B3GALNT2: variants seen among roughly 807,000 people sequenced by gnomAD.
B3GALNT2 encodes UDP-GalNAc:beta-1,3-N-acetylgalactosaminyltransferase 2.
Under a neutral mutation model 61.1 loss-of-function variants are expected in B3GALNT2, and 53 were observed. The ratio of observed to expected loss-of-function variants is 0.87; its 90% confidence interval spans 0.70 to 1.09. The LOEUF (loss-of-function observed/expected upper bound fraction) is 1.09, where lower values mean the gene tolerates loss of function less well. Ranked by LOEUF, B3GALNT2 falls within the 50% of genes least tolerant of loss-of-function variation. B3GALNT2 has a pLI of 0.00. For synonymous variants in B3GALNT2, 223 were observed against 237.4 expected (o/e 0.94, Z 0.56); for missense variants, 544 against 623.0 (o/e 0.87, Z 1.35).
Position 235,448,055 on chromosome 1 carries a change from A to G in B3GALNT2, c.*2151T>C, listed in dbSNP as rs1682545815. 6.6e-6 allele frequency among the ~76,000 whole-genome samples: 1 copy of G among 152,068 alleles called. No homozygotes were observed. Among genetic ancestry groups the G allele is most frequent in the Non-Finnish European group, 1.5e-5 (1 of 67,996 alleles). On this transcript the variant is annotated 3_prime_UTR_variant, in exon 12 of 12. Transcript: ENST00000366600. ...GAAACCCCGTCTCTACTAAAAATAC[A>G]AAAGTTAGCTGGGTGTGGTGATGGG...
At position 235,473,559 on chromosome 1, in the gene B3GALNT2, T is replaced by C. The variant is rs186527970; in HGVS notation, c.652-2599A>G. On this transcript the variant is annotated intron_variant, in intron 5 of 11. Coordinates refer to ENST00000366600, the MANE Select transcript of B3GALNT2 (RefSeq NM_152490.5). ...GACAATGTTACCATTAGAATGCCCA[T>C]GGGACATTCAAGTGGAGAAGTTCAG... Among the ~76,000 whole-genome samples the C allele has an allele frequency of 1.1e-4, 17 of 152,304 alleles. No homozygotes were observed. The South Asian group carries it at 3.3e-3, about 30-fold the overall frequency.
chr1:235,453,095 A>G lies in B3GALNT2; in HGVS notation c.1363T>C (p.Tyr455His), dbSNP rs1683003314. ...IWMAAIGPKR[Y>H]QDSLWLCEKT... ...GGCCATCCCCAAAGACTTACCTGGT[A>G]TCTTTTAGGTCCTATGGCAGCCATC... Residue 455 changes from tyrosine (Y) to histidine (H), a missense_variant, in exon 11 of 12, where the codon TAC (tyrosine) becomes CAC (histidine). Transcript: ENST00000366600. 1.2e-6 allele frequency: 2 copies of G among 1,610,930 alleles called. No individual in the cohort carries two copies. Among genetic ancestry groups the G allele is most frequent in the Non-Finnish European group, 1.7e-6 (2 of 1,177,044 alleles).
intron 7 of B3GALNT2, 96 bp downstream of exon 7, chr1:235,465,540 T>C: frequency 6.6e-7 from 1 of 1,523,940 alleles, no homozygotes; most frequent in Non-Finnish European, 8.8e-7. Context: ...ATAAAGTTTT[T>C]TAAAAGACAA....
chr1:235,462,308 T>C (rs761621225), intron 7 of B3GALNT2, among the ~76,000 whole-genome samples: 6 of 152,190 alleles, frequency 3.9e-5, no homozygotes, highest in Non-Finnish European at 8.8e-5. Context: ...TAAATTAATA[T>C]GTCAGGAAAA....
rs1685003094 is a variant in B3GALNT2, at chr1:235,490,310, A to G, written c.261-1042T>C. Among the ~76,000 whole-genome samples the G allele has an allele frequency of 1.3e-5, 2 of 152,072 alleles. 1 individual carries two copies. The highest frequency in any genetic ancestry group is 4.2e-4 in the South Asian group (2 of 4,818). ...CAACAGTGTAATCTTGGCTCTTTGC[A>G]GTCTCCACCTTTCAGGTTCAAGTGA... is the stretch of plus-strand genomic sequence containing the variant. On this transcript the variant is annotated intron_variant, in intron 2 of 11. Transcript: ENST00000366600.
chr1:235,496,585 C>T (rs967150217), intron 1 of B3GALNT2, among the ~76,000 whole-genome samples: 22 of 148,460 alleles, frequency 1.5e-4, no homozygotes, highest in African/African-American at 5.5e-4. Context: ...CACTCTGTGG[C>T]CCAGTCTGGA....
At chr1:235,459,427 A>C (rs892225069) in intron 7 of B3GALNT2, among the ~76,000 whole-genome samples, 1 of 152,070 alleles carries the variant, frequency 6.6e-6, no homozygotes, top group African/African-American at 2.4e-5. Context: ...GTTTGAGATC[A>C]CTCTAGGTTA....
chr1:235,503,063 A>C (rs569635403), intron 1 of B3GALNT2, among the ~76,000 whole-genome samples: 318 of 152,342 alleles, frequency 2.1e-3, no homozygotes, highest in African/African-American at 7.3e-3. Flanking sequence ...AATAACCTCA[A>C]CATAATTTCA....
chr1:235,489,417 G>C (rs1306768142), intron 2 of B3GALNT2, 149 bp from the exon 3 acceptor site: 1 of 1,312,286 alleles, frequency 7.6e-7, no homozygotes, highest in Non-Finnish European at 1.0e-6. Flanking sequence ...AGACAAAATG[G>C]GGGAACAAGT....
In B3GALNT2 at chr1:235,448,707, A is replaced by C. The variant is rs1470356820; in HGVS notation, c.*1499T>G. On this transcript the variant is annotated 3_prime_UTR_variant, in exon 12 of 12. Coordinates refer to ENST00000366600, the MANE Select transcript of B3GALNT2 (RefSeq NM_152490.5). Reference sequence around the variant, plus strand: ...GAAATCGAGCTGGAAAATGACCTAAAGTCATTACAGTTTTATTCTGTGGAA... The same window carrying C: ...GAAATCGAGCTGGAAAATGACCTAACGTCATTACAGTTTTATTCTGTGGAA... 6.2e-7 allele frequency: 1 copy of C among 1,614,118 alleles called. No individual in the cohort carries two copies. Among genetic ancestry groups the C allele is most frequent in the Admixed American group, 1.7e-5 (1 of 60,020 alleles).
rs35242859 is a variant in B3GALNT2 at position 235,449,079 on chromosome 1, CAGTT to C, written c.*1123_*1126del. The C allele has an allele frequency of 2.2e-5, 7 of 324,852 alleles. No individual in the cohort carries two copies. The highest frequency in any genetic ancestry group is 1.5e-4 in the African/African-American group (7 of 46,162). 20.1% of individuals were successfully genotyped at this position (324,852 alleles called of 1,614,324 possible). On this transcript the variant is annotated 3_prime_UTR_variant, in exon 12 of 12. Coordinates refer to ENST00000366600, the MANE Select transcript of B3GALNT2 (RefSeq NM_152490.5). ...TAGCTAGCCTAATAAAATCTGAACACAGTTAATATCTGTCATAAGACTAGTTTTA... is the reference window on the plus strand; with the variant it reads ...TAGCTAGCCTAATAAAATCTGAACACAATATCTGTCATAAGACTAGTTTTA...
At chr1:235,440,743 A>G in the B3GALNT2 span, 1 of 152,128 alleles carries the variant, frequency 6.6e-6, no homozygotes, top group African/African-American at 2.4e-5. Context: ...TGAATAGGAA[A>G]GTTCGTATGA....
chr1:235,443,193 T>TAG (rs386370047), downstream of B3GALNT2, among the ~76,000 whole-genome samples: 2 of 150,086 alleles, frequency 1.3e-5, no homozygotes, highest in East Asian at 4.2e-4. Context: ...CACATATATA[T>TAG]ATACACACAC....
At chr1:235,502,512 T>G (rs1417126944) in intron 1 of B3GALNT2, among the ~76,000 whole-genome samples, 1 of 152,224 alleles carries the variant, frequency 6.6e-6, no homozygotes, top group Non-Finnish European at 1.5e-5. Flanking sequence ...AGTATTGATC[T>G]TCTTACCTAC....
chr1:235,443,065 C>A (rs1682003641), downstream of B3GALNT2: 1 of 762,364 alleles, frequency 1.3e-6, no homozygotes, highest in Non-Finnish European at 2.2e-6. Flanking sequence ...TACAATCAAT[C>A]ATGCTAATAT....
downstream of B3GALNT2, among the ~76,000 whole-genome samples, chr1:235,443,768 A>G (rs927114301): frequency 1.3e-5 from 2 of 152,202 alleles, no homozygotes; most frequent in Admixed American, 1.3e-4. Context: ...GACACCCTGA[A>G]ATGGTTTTCT....
chr1:235,498,717 G>A (rs1685444171), intron 1 of B3GALNT2, among the ~76,000 whole-genome samples: 1 of 151,746 alleles, frequency 6.6e-6, no homozygotes, highest in Non-Finnish European at 1.5e-5. Context: ...GGTGGTGCAT[G>A]CCTGTAATCC....
chr1:235,475,247 T>A (rs577770341), intron 5 of B3GALNT2, among the ~76,000 whole-genome samples: 314 of 151,916 alleles, frequency 2.1e-3, no homozygotes, highest in African/African-American at 7.4e-3. Context: ...TCCACCCGCC[T>A]CGGCCTCCCA....
intron 9 of B3GALNT2, 145 bp downstream of exon 9, chr1:235,455,414 A>G (rs747119247): frequency 2.2e-5 from 20 of 892,216 alleles, no homozygotes; most frequent in African/African-American, 3.4e-5. Flanking sequence ...ACTGACCTAG[A>G]GTAATGAAAT....
Sources: allele counts gnomAD v4.1 joint callset (sites outside exome capture counted in the v4.1 genomes callset), GRCh38; gene constraint gnomAD v4.1.1; transcripts MANE v1.5; gene names NCBI Gene and HGNC (gene_info 2026-07-23, HGNC 2026-07-21).